HPS1: variants seen among roughly 807,000 people sequenced by gnomAD.
The protein encoded by HPS1 is HPS1 biogenesis of lysosomal organelles complex 3 subunit 1.
A neutral mutation model predicts 90.6 loss-of-function variants in HPS1; 59 were observed. That is an observed-to-expected ratio of 0.65 (90% confidence interval 0.53 to 0.81). The LOEUF is 0.81. HPS1 is among the 30% of genes least tolerant of loss of function. The pLI, the probability that HPS1 is intolerant of heterozygous loss-of-function variation, is 0.00. For synonymous variants in HPS1, 388 were observed against 384.4 expected (o/e 1.01, Z -0.11); for missense variants, 849 against 896.7 (o/e 0.95, Z 0.68).
intron 16 of HPS1, 87 bp from the exon 17 acceptor site, chr10:98,422,600 T>C (rs1308492272): frequency 2.2e-6 from 3 of 1,373,284 alleles, no homozygotes; most frequent in Non-Finnish European, 3.1e-6. Context: ...CCAGTCATGG[T>C]GGCAGGAGGG....
At chr10:98,421,129 T>A (rs1184803357) in intron 17 of HPS1, among the ~76,000 whole-genome samples, 3 of 152,216 alleles carry the variant, frequency 2.0e-5, no homozygotes, top group African/African-American at 7.2e-5. Context: ...AGGAGCCCTC[T>A]CCTCTACCCT....
rs1012950727 is a variant in HPS1 at position 98,445,260 on chromosome 10, C to T, written c.-1+40G>A. 6.5e-6 allele frequency: 1 copy of T among 152,744 alleles called. No homozygotes were observed. Among genetic ancestry groups the T allele is most frequent in the African/African-American group, 2.4e-5 (1 of 41,412 alleles). The allele number at this position is 152,744 out of a possible 1,614,324, so 9.5% of individuals were successfully genotyped here. On this transcript the variant is annotated intron_variant, in intron 2 of 19. Coordinates refer to ENST00000361490, the MANE Select transcript of HPS1 (RefSeq NM_000195.5). The surrounding 1 kb of genome is among the most constrained non-coding windows in gnomAD (Gnocchi z 4.5). ...CCCAAAGCCCCAGGGTGGATGCTGC[C>T]TGCCTCCCTGTCCTCCCCAGGTGGG...
chr10:98,418,189 T>G lies in HPS1; in HGVS notation c.1926A>C (p.Gly642=). The G allele has an allele frequency of 1.2e-6, 2 of 1,606,630 alleles. No homozygotes were observed. The highest frequency in any genetic ancestry group is 1.7e-6 in the Non-Finnish European group (2 of 1,174,764). The change falls in exon 19 of 20, where the codon GGA becomes GGC. Residue 642 remains glycine, a synonymous_variant. Transcript: ENST00000361490. ...SDDSVPIGML[G]GDYYRKLLRY... ...CGCAGCGTCACCTGTAGTAGTCTCC[T>G]CCCAGCATGCCGATAGGCACTGAGT...
intron 16 of HPS1, 69 bp from the exon 17 acceptor site, chr10:98,422,582 AG>A: frequency 1.3e-6 from 2 of 1,500,454 alleles, no homozygotes; most frequent in Admixed American, 3.3e-5. Context: ...CTGGGCTTCT[AG>A]CTGTGCCCAG....
rs1004784011 is a variant in HPS1, at chr10:98,427,300, A to G, written c.938-36T>C. 9 of 1,528,372 alleles carry G rather than the reference A, an allele frequency of 5.9e-6. No individual in the cohort carries two copies. In the African/African-American group the frequency reaches 1.2e-4, roughly 21 times the overall value. The allele number at this position is 1,528,372 out of a possible 1,614,324, so 94.7% of individuals were successfully genotyped here. A position where few individuals can be genotyped will look rare whatever the true frequency, so the allele number is the denominator to read the frequency against. On this transcript the variant is annotated intron_variant, in intron 10 of 19. Transcript: ENST00000361490. Reference sequence around the variant, plus strand: ...CAGGTAATAACATAACGATGTAAGTACCATGAGATGTAAGCAATGGCTCAA... The same window carrying G: ...CAGGTAATAACATAACGATGTAAGTGCCATGAGATGTAAGCAATGGCTCAA...
intron 19 of HPS1, 43 bp downstream of exon 19, chr10:98,418,132 A>G (rs1844350452): frequency 1.5e-6 from 2 of 1,326,198 alleles, no homozygotes; most frequent in African/African-American, 1.4e-5. Context: ...CTTATCACCC[A>G]AATGGGGGCA....
chr10:98,427,634 C>T (rs1845792379), intron 10 of HPS1, among the ~76,000 whole-genome samples: 1 of 152,132 alleles, frequency 6.6e-6, no homozygotes, highest in South Asian at 2.1e-4. Context: ...TCCTTCAGGC[C>T]TCAACCCGCC....
At chr10:98,437,280 C>T (rs570128810) in intron 3 of HPS1, among the ~76,000 whole-genome samples, 4 of 152,076 alleles carry the variant, frequency 2.6e-5, no homozygotes, top group African/African-American at 7.2e-5. Flanking sequence ...CACAGATAGG[C>T]GAGAATTCCA....
chr10:98,436,646 G>A (rs1381536746), intron 3 of HPS1, among the ~76,000 whole-genome samples: 1 of 152,212 alleles, frequency 6.6e-6, no homozygotes, highest in Non-Finnish European at 1.5e-5. Context: ...TTGCAAATGT[G>A]TGAATAAAAT....
At chr10:98,419,468 G>A (rs1844563603) in intron 18 of HPS1, among the ~76,000 whole-genome samples, 1 of 152,008 alleles carries the variant, frequency 6.6e-6, no homozygotes, top group Non-Finnish European at 1.5e-5. Flanking sequence ...AGTGGCTGGG[G>A]CAGGGATCCC....
chr10:98,423,101 G>GA (rs1591035676), intron 16 of HPS1, among the ~76,000 whole-genome samples: 2 of 152,322 alleles, frequency 1.3e-5, no homozygotes, highest in East Asian at 3.9e-4. Flanking sequence ...AATTTTCATG[G>GA]AAAATCAGTA....
At chr10:98,440,651 T>C (rs2136303590) in intron 3 of HPS1, among the ~76,000 whole-genome samples, 1 of 152,136 alleles carries the variant, frequency 6.6e-6, no homozygotes, top group East Asian at 1.9e-4. Flanking sequence ...ATTTAAAAAC[T>C]ATCTCTTTGT....
chr10:98,434,845 A>G (rs17535384), intron 5 of HPS1, among the ~76,000 whole-genome samples: 19,536 of 152,080 alleles, frequency 0.13, 1,521 homozygotes, highest in South Asian at 0.22. Flanking sequence ...CTGTCTCCTG[A>G]GAAAACCTTC....
Position 98,423,650 on chromosome 10 carries a change from C to G in HPS1, c.1551G>C (p.Trp517Cys). ...TGCTCTTCACCAGCAAGAAGTCCTT[C>G]CAGTCCGTCAGCTTCTCCCTGCCGA... The part of the protein sequence containing the change: ...QRLMREKLTD[W>C]KDFLLVKSRR... Residue 517 changes from tryptophan to cysteine, a missense_variant, in exon 16 of 20, where the codon TGG becomes TGC. Coordinates refer to ENST00000361490, the MANE Select transcript of HPS1 (RefSeq NM_000195.5). The G allele has an allele frequency of 1.9e-6, 3 of 1,614,062 alleles. No homozygotes were observed. Among genetic ancestry groups the G allele is most frequent in the Non-Finnish European group, 1.7e-6 (2 of 1,179,980 alleles).
At position 98,445,928 on chromosome 10, in the gene HPS1, A is replaced by G. The variant is rs1458790928; in HGVS notation, c.-105-524T>C. ...GAAACAGAGCAACATCCCCTACTCT[A>G]CCTCCCTACAGGGTTAGATCATGGG... On this transcript the variant is annotated intron_variant, in intron 1 of 19. Transcript: ENST00000361490. This position sits in a 1 kb window ranked among gnomAD's most constrained non-coding sequence, Gnocchi z 4.5. Among the ~76,000 whole-genome samples the G allele has an allele frequency of 1.3e-5, 2 of 152,092 alleles. No homozygotes were observed. Among genetic ancestry groups the G allele is most frequent in the African/African-American group, 2.4e-5 (1 of 41,388 alleles).
chr10:98,443,282 A>C, intron 2 of HPS1, 42 bp from the exon 3 acceptor site: 1 of 1,434,196 alleles, frequency 7.0e-7, no homozygotes, highest in African/African-American at 1.4e-5. Context: ...TCCAGCCCCA[A>C]CATCTATGAG....
intron 10 of HPS1, 151 bp downstream of exon 10, chr10:98,429,422 C>T: frequency 6.5e-7 from 1 of 1,543,294 alleles, no homozygotes; most frequent in Non-Finnish European, 8.7e-7. Flanking sequence ...AGATGGGGAG[C>T]CGCAGACAGC....
At chr10:98,427,770 C>T (rs1845812406) in intron 10 of HPS1, among the ~76,000 whole-genome samples, 1 of 152,198 alleles carries the variant, frequency 6.6e-6, no homozygotes, top group Non-Finnish European at 1.5e-5. Flanking sequence ...CGCACAAAAA[C>T]CTACTGAACC....
chr10:98,427,204 G>GA lies in HPS1; in HGVS notation c.987+10dup. The GA allele has an allele frequency of 6.4e-7, 1 of 1,550,652 alleles. No homozygotes were observed. Among genetic ancestry groups the GA allele is most frequent in the Non-Finnish European group, 8.7e-7 (1 of 1,146,100 alleles). ...TCAGCTGGCGCCCAGGCAGGCACAG[G>GA]AGAAACTCACCTGAAGGGCATCCAT... On this transcript the variant is annotated intron_variant, in intron 11 of 19. Transcript: ENST00000361490.
Sources: allele counts gnomAD v4.1 joint callset (sites outside exome capture counted in the v4.1 genomes callset), GRCh38; gene constraint gnomAD v4.1.1; non-coding constraint Gnocchi (gnomAD v3.1); transcripts MANE v1.5; gene names NCBI Gene and HGNC (gene_info 2026-07-23, HGNC 2026-07-21).